The following NT5DC1 variants were observed in gnomAD, a reference collection of about 807,000 sequenced individuals.
The protein encoded by NT5DC1 is 5'-nucleotidase domain-containing protein 1.
In NT5DC1, 42 loss-of-function variants were observed where a neutral mutation model predicts 59.4. The observed-to-expected ratio is 0.71, with a 90% CI of 0.55 to 0.92. The LOEUF is 0.92. Ranked by LOEUF, NT5DC1 falls within the 40% of genes least tolerant of loss-of-function variation. The pLI is 0.00. For synonymous variants in NT5DC1, 172 were observed against 188.1 expected (o/e 0.91, Z 0.70); for missense variants, 501 against 537.1 (o/e 0.93, Z 0.66).
chr6:116,142,430 C>A (rs1338324986), intron 6 of NT5DC1, among the ~76,000 whole-genome samples: 1 of 152,008 alleles, frequency 6.6e-6, no homozygotes, highest in South Asian at 2.1e-4. Context: ...TTTTATATAT[C>A]ATCAATGCTA....
chr6:116,110,688 T>C, intron 3 of NT5DC1, 162 bp from the exon 4 acceptor site: 1 of 698,032 alleles, frequency 1.4e-6, no homozygotes, highest in Non-Finnish European at 2.6e-6. Context: ...CCCACAGAAA[T>C]GCTTTACAGA....
chr6:116,142,634 A>G (rs920387126), intron 6 of NT5DC1, among the ~76,000 whole-genome samples: 5 of 152,192 alleles, frequency 3.3e-5, no homozygotes, highest in Non-Finnish European at 5.9e-5. Context: ...CGAGCTGGGC[A>G]TCTTGATAGA....
intron 6 of NT5DC1, among the ~76,000 whole-genome samples, chr6:116,172,555 C>T (rs1029496814): frequency 6.6e-6 from 1 of 151,930 alleles, no homozygotes; most frequent in Non-Finnish European, 1.5e-5. Context: ...CTCCTGACCC[C>T]CTGATCCACC....
In NT5DC1 at chr6:116,239,105, A is replaced by G. The variant is rs1341697698; in HGVS notation, c.1234A>G (p.Ser412Gly). 1.2e-6 allele frequency: 2 copies of G among 1,611,344 alleles called. No homozygotes were observed. Among genetic ancestry groups the G allele is most frequent in the African/African-American group, 2.7e-5 (2 of 74,836 alleles). The change falls in exon 11 of 12, where the codon AGT becomes GGT. Residue 412 changes from serine (S) to glycine (G), a missense_variant. By Grantham distance (56) the Ser-to-Gly change is moderately conservative (BLOSUM62 0). Transcript: ENST00000319550. ...ISTYSTIAIP[S>G]IEAIAELPLD... ...TACTTACAGCACTATTGCAATTCCA[A>G]GTATTGAAGCAATCGCAGGTAAGGG...
At chr6:116,215,173 C>T (rs112342802) in intron 6 of NT5DC1, among the ~76,000 whole-genome samples, 12 of 152,132 alleles carry the variant, frequency 7.9e-5, no homozygotes, top group East Asian at 3.9e-4. Context: ...TTGGATAATA[C>T]GGAGCACATG....
intron 6 of NT5DC1, among the ~76,000 whole-genome samples, chr6:116,127,121 A>G (rs1779337544): frequency 1.3e-5 from 2 of 152,200 alleles, no homozygotes; most frequent in Admixed American, 1.3e-4. Context: ...GAGGAGGACA[A>G]TTCCATACAC....
chr6:116,217,078 A>C (rs1435109249), intron 6 of NT5DC1, among the ~76,000 whole-genome samples: 1 of 152,220 alleles, frequency 6.6e-6, no homozygotes, highest in Admixed American at 6.6e-5. Context: ...GTAGTGATAC[A>C]GTTAACAAGA....
intron 9 of NT5DC1, among the ~76,000 whole-genome samples, chr6:116,237,860 G>A (rs988477200): frequency 2.0e-5 from 3 of 152,128 alleles, no homozygotes; most frequent in Admixed American, 2.0e-4. Context: ...CAACTGCAGG[G>A]GCCATTTTAT....
chr6:116,132,903 C>G (rs998402136), intron 6 of NT5DC1, among the ~76,000 whole-genome samples: 3 of 152,006 alleles, frequency 2.0e-5, no homozygotes, highest in Non-Finnish European at 4.4e-5. Flanking sequence ...ATTATAGAGC[C>G]CAGAAGCTAA....
At chr6:116,164,229 T>C (rs1562146311) in intron 6 of NT5DC1, among the ~76,000 whole-genome samples, 1 of 152,184 alleles carries the variant, frequency 6.6e-6, no homozygotes, top group African/African-American at 2.4e-5. Context: ...TATTTTATTT[T>C]CTTAGGTGTA....
intron 1 of NT5DC1, among the ~76,000 whole-genome samples, chr6:116,104,972 A>C (rs577153850): frequency 9.9e-5 from 15 of 152,256 alleles, no homozygotes; most frequent in Non-Finnish European, 2.2e-4. Flanking sequence ...AAGAAGTGTC[A>C]CCTATGGTTC....
intron 6 of NT5DC1, among the ~76,000 whole-genome samples, chr6:116,135,013 G>C (rs771265547): frequency 6.6e-6 from 1 of 152,090 alleles, no homozygotes; most frequent in Non-Finnish European, 1.5e-5. Flanking sequence ...ACATAGCTAT[G>C]CTTCACTTTC....
intron 2 of NT5DC1, among the ~76,000 whole-genome samples, 194 bp downstream of exon 2, chr6:116,106,529 T>C (rs987832455): frequency 1.3e-5 from 2 of 152,196 alleles, no homozygotes; most frequent in African/African-American, 4.8e-5. Context: ...TAAACAAGTT[T>C]AGACTTGCCT....
chr6:116,226,705 A>C (rs1009913310), intron 8 of NT5DC1, among the ~76,000 whole-genome samples: 1 of 152,062 alleles, frequency 6.6e-6, no homozygotes, highest in Non-Finnish European at 1.5e-5. Flanking sequence ...AATTTATGGT[A>C]TGGAAATATT....
At chr6:116,226,515 A>C (rs1182444035) in intron 8 of NT5DC1, among the ~76,000 whole-genome samples, 1 of 152,004 alleles carries the variant, frequency 6.6e-6, no homozygotes, top group Non-Finnish European at 1.5e-5. Flanking sequence ...CCTGAGAAAA[A>C]GGGTGGAGTT....
intron 4 of NT5DC1, among the ~76,000 whole-genome samples, chr6:116,111,760 T>C (rs1386404997): frequency 6.6e-6 from 1 of 152,232 alleles, no homozygotes; most frequent in African/African-American, 2.4e-5. Context: ...TGTTTGTTTT[T>C]ATAGCGAGCT....
intron 6 of NT5DC1, among the ~76,000 whole-genome samples, chr6:116,197,562 C>G (rs898309444): frequency 6.6e-6 from 1 of 152,002 alleles, no homozygotes; most frequent in Admixed American, 6.6e-5. Context: ...TGCTGTAGTG[C>G]AGATAGAAGA....
chr6:116,161,206 G>C (rs1174263070), intron 6 of NT5DC1, among the ~76,000 whole-genome samples: 1 of 114,008 alleles, frequency 8.8e-6, no homozygotes, highest in Non-Finnish European at 1.7e-5. Context: ...TGGGGGGAGG[G>C]GGGAGGGATA....
chr6:116,158,093 A>G lies in NT5DC1; in HGVS notation c.529+40148A>G, dbSNP rs73772301. ...CTCAAAAAGTCAATTTCTCTGAACTACAAGAACTTTCTAGTTTCAATAGCT... is the reference window on the plus strand; with the variant it reads ...CTCAAAAAGTCAATTTCTCTGAACTGCAAGAACTTTCTAGTTTCAATAGCT... On this transcript the variant is annotated intron_variant, in intron 6 of 11. Transcript: ENST00000319550. Among the ~76,000 whole-genome samples, 344 of 152,312 alleles carry G rather than the reference A, an allele frequency of 2.3e-3. 2 individuals are homozygous for G. The highest frequency in any genetic ancestry group is 8.1e-3 in the African/African-American group (338 of 41,560).
Sources: allele counts gnomAD v4.1 joint callset (sites outside exome capture counted in the v4.1 genomes callset), GRCh38; gene constraint gnomAD v4.1.1; transcripts MANE v1.5; gene names NCBI Gene and HGNC (gene_info 2026-07-23, HGNC 2026-07-21).